The following LARGE1 variants were observed in gnomAD, a reference collection of about 807,000 sequenced individuals.
LARGE1 encodes the protein xylosyl- and glucuronyltransferase LARGE1.
Under a neutral mutation model 87.6 loss-of-function variants are expected in LARGE1, and 43 were observed. That is an observed-to-expected ratio of 0.49 (90% CI 0.38 to 0.63). The LOEUF is 0.63. Ranked by LOEUF, LARGE1 falls within the 30% of genes least tolerant of loss-of-function variation. LARGE1 has a pLI of 0.00. For synonymous variants in LARGE1, 434 were observed against 394.6 expected, an observed-to-expected ratio of 1.10 and a Z score of -1.18; for missense variants, 802 against 1,000.2, an observed-to-expected ratio of 0.80 and a Z score of 2.67.
intron 4 of LARGE1, among the ~76,000 whole-genome samples, chr22:33,611,505 A>G (rs989443924): frequency 4.6e-5 from 7 of 152,182 alleles, no homozygotes; most frequent in Non-Finnish European, 1.5e-5. Context: ...TTTTGGGAAT[A>G]AGAGTGTTGA....
At chr22:33,561,977 C>T (rs150087009) in intron 6 of LARGE1, among the ~76,000 whole-genome samples, 1 of 152,212 alleles carries the variant, frequency 6.6e-6, no homozygotes, top group African/African-American at 2.4e-5. Flanking sequence ...GCCACTGCAG[C>T]CCCAGACAAC....
intron 6 of LARGE1, among the ~76,000 whole-genome samples, chr22:33,452,049 C>T (rs1287098983): frequency 6.6e-6 from 1 of 152,124 alleles, no homozygotes; most frequent in Admixed American, 6.5e-5. Context: ...GTTCATTCAG[C>T]TGTTTGTTTA....
chr22:33,884,330 T>C (rs2146781837), intron 1 of LARGE1, among the ~76,000 whole-genome samples: 1 of 152,362 alleles, frequency 6.6e-6, no homozygotes. Context: ...TCACTGTACG[T>C]TGACCCTCTT....
chr22:33,193,887 T>C (rs1231911258), intron 11 of LARGE1, among the ~76,000 whole-genome samples: 3 of 147,706 alleles, frequency 2.0e-5, no homozygotes, highest in African/African-American at 7.4e-5. Flanking sequence ...TAATGTTTTA[T>C]ATATTATATA....
Position 33,524,591 on chromosome 22 carries a change from G to A in LARGE1, c.787+40257C>T, listed in dbSNP as rs140619497. On this transcript the variant is annotated intron_variant, in intron 6 of 14. Coordinates refer to ENST00000397394, the MANE Select transcript of LARGE1 (RefSeq NM_133642.5). ...CCCACCCTTTTCTGAAATTACATCT[G>A]GTACCAGACAATGATTTTCCTCCTG... Among the ~76,000 whole-genome samples, 24 of 151,974 alleles carry A rather than the reference G, an allele frequency of 1.6e-4. 1 individual carries two copies. The East Asian group carries it at 4.7e-3, about 30-fold the overall frequency.
At chr22:33,741,977 C>A (rs558400208) in intron 2 of LARGE1, among the ~76,000 whole-genome samples, 1 of 152,174 alleles carries the variant, frequency 6.6e-6, no homozygotes, top group South Asian at 2.1e-4. Context: ...CAAATGAGAA[C>A]GTACCAGTTG....
At chr22:33,264,192 G>C (rs1212995755) in intron 11 of LARGE1, among the ~76,000 whole-genome samples, 1 of 152,190 alleles carries the variant, frequency 6.6e-6, no homozygotes, top group Non-Finnish European at 1.5e-5. Flanking sequence ...GAAGTGTCTT[G>C]TTTAAGGCCA....
Position 33,871,755 on chromosome 22 carries a change from T to C in LARGE1, c.-83+48240A>G, listed in dbSNP as rs540451719. Reference sequence around the variant, plus strand: ...CAACTTTTCACTGAAACACTTGATTTTTTCACTGCATGAACCACACCGGTG... The same window carrying C: ...CAACTTTTCACTGAAACACTTGATTCTTTCACTGCATGAACCACACCGGTG... On this transcript the variant is annotated intron_variant, in intron 1 of 14. Coordinates refer to ENST00000397394, the MANE Select transcript of LARGE1 (RefSeq NM_133642.5). 2.0e-4 allele frequency among the ~76,000 whole-genome samples: 31 copies of C among 152,240 alleles called. 1 individual carries two copies. In the Middle Eastern group the frequency reaches 0.014, roughly 67 times the overall value.
intron 1 of LARGE1, among the ~76,000 whole-genome samples, chr22:33,867,506 G>A (rs1210045461): frequency 2.0e-5 from 3 of 152,288 alleles, no homozygotes; most frequent in Admixed American, 6.5e-5. Flanking sequence ...CCTGAGCAAC[G>A]TGCCTTCTAG....
intron 1 of LARGE1, among the ~76,000 whole-genome samples, chr22:33,888,127 A>T (rs951174678): frequency 6.6e-6 from 1 of 152,116 alleles, no homozygotes; most frequent in Non-Finnish European, 1.5e-5. Flanking sequence ...TCTTTCTTCA[A>T]TTGAAGAGGG....
chr22:33,706,093 C>G (rs1181082667), intron 2 of LARGE1, among the ~76,000 whole-genome samples: 1 of 152,200 alleles, frequency 6.6e-6, no homozygotes, highest in Non-Finnish European at 1.5e-5. Context: ...AAGAAGGTTT[C>G]TAAAGATGAC....
At chr22:33,748,135 G>GTTTT (rs367726760) in intron 2 of LARGE1, among the ~76,000 whole-genome samples, 3 of 126,802 alleles carry the variant, frequency 2.4e-5, no homozygotes, top group African/African-American at 8.8e-5. Flanking sequence ...ATGCAGGTTT[G>GTTTT]TTTTTTTTTT....
chr22:33,086,970 T>G, the LARGE1 span, among the ~76,000 whole-genome samples: 1 of 152,238 alleles, frequency 6.6e-6, no homozygotes, highest in Admixed American at 6.5e-5. Flanking sequence ...AGTTAATCAT[T>G]TTTTAATTTT....
chr22:33,240,718 C>T (rs1416538326), intron 11 of LARGE1, among the ~76,000 whole-genome samples: 1 of 152,120 alleles, frequency 6.6e-6, no homozygotes, highest in African/African-American at 2.4e-5. Flanking sequence ...GCACTGAACT[C>T]GTGGATCAAT....
Position 33,530,549 on chromosome 22 carries a change from A to T in LARGE1, c.787+34299T>A, listed in dbSNP as rs890709857. ...TGGTAAGTTAAAACGAAAACAAAAC[A>T]ACTAGGCAGAAAACGTCCTTCTCCT... On this transcript the variant is annotated intron_variant, in intron 6 of 14. Transcript: ENST00000397394. Among the ~76,000 whole-genome samples the T allele has an allele frequency of 5.9e-5, 9 of 152,052 alleles. No homozygotes were observed. In the South Asian group the frequency reaches 6.2e-4, roughly 11 times the overall value.
intron 8 of LARGE1, among the ~76,000 whole-genome samples, chr22:33,383,869 G>A (rs1383540793): frequency 6.6e-6 from 1 of 152,228 alleles, no homozygotes; most frequent in South Asian, 2.1e-4. Context: ...ATCTACTTAT[G>A]AGTCTGCGTC....
At chr22:33,188,955 T>C (rs1284596305) in intron 11 of LARGE1, among the ~76,000 whole-genome samples, 2 of 151,208 alleles carry the variant, frequency 1.3e-5, no homozygotes. Context: ...TCGCCAACAT[T>C]GTCCACCCAA....
At chr22:33,750,779 C>A (rs1480230061) in intron 2 of LARGE1, 7 of 152,088 alleles carry the variant, frequency 4.6e-5, no homozygotes, top group Non-Finnish European at 8.8e-5. Flanking sequence ...AACACTCATA[C>A]AGATTAGGGT....
At chr22:33,156,928 T>A in the LARGE1 span, among the ~76,000 whole-genome samples, 6 of 152,172 alleles carry the variant, frequency 3.9e-5, no homozygotes, top group African/African-American at 1.4e-4. Flanking sequence ...TTACGAGATC[T>A]GATGGTTTTA....
Sources: allele counts gnomAD v4.1 joint callset (sites outside exome capture counted in the v4.1 genomes callset), GRCh38; gene constraint gnomAD v4.1.1; transcripts MANE v1.5; gene names NCBI Gene and HGNC (gene_info 2026-07-23, HGNC 2026-07-21).